The following TLL1 variants were observed in gnomAD, a reference collection of about 807,000 sequenced individuals.
TLL1 encodes the protein tolloid like 1, also known as tolloid-like protein 1.
A neutral mutation model predicts 128.2 loss-of-function variants in TLL1; 49 were observed. The observed-to-expected ratio is 0.38, with a 90% confidence interval of 0.30 to 0.48. The LOEUF (loss-of-function observed/expected upper bound fraction) is 0.48. Ranked by LOEUF, TLL1 falls within the 20% of genes least tolerant of loss-of-function variation. TLL1 has a pLI of 0.96. For missense variants in TLL1, 1,123 were observed against 1,242.0 expected (o/e 0.90, Z 1.44); for synonymous variants, 454 against 418.8 (o/e 1.08, Z -1.03).
chr4:166,041,864 C>T (rs1308081162), intron 10 of TLL1, among the ~76,000 whole-genome samples, 163 bp from the exon 11 acceptor site: 1 of 152,130 alleles, frequency 6.6e-6, no homozygotes, highest in Non-Finnish European at 1.5e-5. Context: ...TTTTGTTTAT[C>T]TACCATTAGT....
At chr4:166,024,769 A>T (rs1286552021) in intron 8 of TLL1, among the ~76,000 whole-genome samples, 1 of 152,074 alleles carries the variant, frequency 6.6e-6, no homozygotes, top group African/African-American at 2.4e-5. Flanking sequence ...GGAAAATTTG[A>T]ATCTTCCATG....
At chr4:165,931,577 G>A (rs1733522821) in intron 1 of TLL1, among the ~76,000 whole-genome samples, 1 of 151,938 alleles carries the variant, frequency 6.6e-6, no homozygotes, top group Admixed American at 6.6e-5. Flanking sequence ...AAATTAGCCG[G>A]GTGTGGTGGT....
chr4:166,064,229 T>C (rs1740473628), intron 15 of TLL1, among the ~76,000 whole-genome samples: 1 of 152,100 alleles, frequency 6.6e-6, no homozygotes, highest in African/African-American at 2.4e-5. Flanking sequence ...GCTACACCTT[T>C]TGAAAATGGG....
intron 1 of TLL1, among the ~76,000 whole-genome samples, chr4:165,894,138 T>A (rs1396271116): frequency 2.6e-5 from 4 of 152,076 alleles, no homozygotes; most frequent in Non-Finnish European, 5.9e-5. Context: ...TATAGAATAA[T>A]GTCTGAAGCG....
chr4:165,947,095 G>A (rs905924034), intron 1 of TLL1, among the ~76,000 whole-genome samples: 7 of 152,124 alleles, frequency 4.6e-5, no homozygotes, highest in Admixed American at 4.6e-4. Context: ...AGTTCTGGAG[G>A]CTGGGAAGTC....
At chr4:165,902,244 G>T (rs192271850) in intron 1 of TLL1, among the ~76,000 whole-genome samples, 2 of 152,152 alleles carry the variant, frequency 1.3e-5, no homozygotes, top group Non-Finnish European at 2.9e-5. Context: ...CCTTTCCAGG[G>T]GAGTGAACAG....
intron 1 of TLL1, among the ~76,000 whole-genome samples, chr4:165,889,419 T>G (rs1302833847): frequency 6.6e-6 from 1 of 152,242 alleles, no homozygotes. Flanking sequence ...TTGAATTATT[T>G]GTAAACATTT....
chr4:165,948,973 G>T (rs1734384874), intron 1 of TLL1, among the ~76,000 whole-genome samples: 1 of 152,138 alleles, frequency 6.6e-6, no homozygotes, highest in Non-Finnish European at 1.5e-5. Context: ...AGGTATAGCT[G>T]TGAAGGGACT....
At chr4:165,996,611 T>C (rs140094650) in intron 5 of TLL1, among the ~76,000 whole-genome samples, 68 of 90,592 alleles carry the variant, frequency 7.5e-4, no homozygotes, top group South Asian at 1.7e-3. Context: ...AATAAATAAA[T>C]AAACAAACAA....
At chr4:166,089,306 A>G (rs1366719952) in intron 18 of TLL1, among the ~76,000 whole-genome samples, 1 of 152,172 alleles carries the variant, frequency 6.6e-6, no homozygotes, top group Non-Finnish European at 1.5e-5. Flanking sequence ...AGGAGTGTAT[A>G]TATGTACACA....
chr4:165,943,427 C>T (rs72972229), intron 1 of TLL1, among the ~76,000 whole-genome samples: 5,449 of 151,942 alleles, frequency 0.036, 292 homozygotes, highest in African/African-American at 0.12. Flanking sequence ...TTTTTTCCTC[C>T]TTAGTAATAT....
At chr4:165,955,585 A>G (rs1313092733) in intron 1 of TLL1, among the ~76,000 whole-genome samples, 3 of 152,198 alleles carry the variant, frequency 2.0e-5, no homozygotes, top group Non-Finnish European at 4.4e-5. Flanking sequence ...TAAGGCTAAC[A>G]GCAGACTTAG....
intron 1 of TLL1, among the ~76,000 whole-genome samples, chr4:165,946,969 T>C (rs985238708): frequency 4.6e-5 from 7 of 152,140 alleles, no homozygotes; most frequent in African/African-American, 1.7e-4. Context: ...AGCAGAACTT[T>C]TAAGTGATGA....
At chr4:165,930,791 A>T (rs1161634652) in intron 1 of TLL1, among the ~76,000 whole-genome samples, 1 of 152,244 alleles carries the variant, frequency 6.6e-6, no homozygotes, top group Non-Finnish European at 1.5e-5. Flanking sequence ...TACTTGAGAA[A>T]TTCTTTTAAA....
At chr4:165,901,988 C>A (rs1732013805) in intron 1 of TLL1, among the ~76,000 whole-genome samples, 1 of 152,104 alleles carries the variant, frequency 6.6e-6, no homozygotes, top group African/African-American at 2.4e-5. Context: ...AGTGGCTTTG[C>A]CGAGCTGTGG....
At position 166,060,143 on chromosome 4, in the gene TLL1, CA is replaced by C; in HGVS notation, c.1963del (p.Arg655GlufsTer4). 1 of 1,613,202 alleles carries C rather than the reference CA, an allele frequency of 6.2e-7. No individual in the cohort carries two copies. The highest frequency in any genetic ancestry group is 8.5e-7 in the Non-Finnish European group (1 of 1,179,816). On this transcript the variant is annotated frameshift_variant, in exon 15 of 21. Transcript: ENST00000061240. LOFTEE classifies it high-confidence loss of function. ...VWQVVAPTQYRISVKFEFFEL... is the reference protein window; with the variant it reads ...VWQVVAPTQYXISVKFEFFEL... ...GGCAAGTGGTTGCACCAACCCAGTA[CA>C]GAATTTCTGTGAAGTTTGAGTTTTT...
At chr4:166,097,061 T>C (rs1037904386) in intron 19 of TLL1, among the ~76,000 whole-genome samples, 11 of 152,120 alleles carry the variant, frequency 7.2e-5, no homozygotes, top group African/African-American at 2.7e-4. Flanking sequence ...ATTTTTCATA[T>C]ATGAACCTAA....
intron 1 of TLL1, among the ~76,000 whole-genome samples, chr4:165,880,663 G>A (rs1224679369): frequency 6.6e-6 from 1 of 152,170 alleles, no homozygotes; most frequent in Non-Finnish European, 1.5e-5. Flanking sequence ...AGTTGTTACG[G>A]AGGTGGAGAT....
intron 1 of TLL1, among the ~76,000 whole-genome samples, chr4:165,955,360 A>G (rs1389095419): frequency 6.6e-6 from 1 of 152,098 alleles, no homozygotes; most frequent in African/African-American, 2.4e-5. Flanking sequence ...AATTTGGAAA[A>G]TGGTATTTGA....
Sources: gnomAD v4.1 joint callset for allele counts (sites outside exome capture counted in the v4.1 genomes callset) on GRCh38, gnomAD v4.1.1 for gene constraint, MANE v1.5 for transcripts, NCBI Gene and HGNC (gene_info 2026-07-23, HGNC 2026-07-21) for gene names.